The following DPH6 variants were observed in gnomAD, a reference collection of about 807,000 sequenced individuals.
DPH6 encodes diphthine--ammonia ligase.
Under a neutral mutation model 38.2 loss-of-function variants are expected in DPH6, and 33 were observed. The observed-to-expected ratio is 0.86, with a 90% CI of 0.65 to 1.15. The LOEUF is 1.15. Among genes scored for constraint, DPH6 ranks in the 50% most tolerant of loss-of-function variants. The pLI, the probability that DPH6 is intolerant of heterozygous loss-of-function variation, is 0.00. For synonymous variants in DPH6, 108 were observed against 103.0 expected, an observed-to-expected ratio of 1.05 and a Z score of -0.30; for missense variants, 325 against 320.0, an observed-to-expected ratio of 1.02 and a Z score of -0.12.
At chr15:35,410,812 TG>T in intron 6 of DPH6, 22 bp downstream of exon 6, 1 of 1,570,082 alleles carries the variant, frequency 6.4e-7, no homozygotes. Context: ...GGCTACATTT[TG>T]AGATCTAGTA....
chr15:35,532,070 A>G (rs1304988552), intron 3 of DPH6, among the ~76,000 whole-genome samples: 2 of 152,170 alleles, frequency 1.3e-5, no homozygotes, highest in Non-Finnish European at 2.9e-5. Context: ...AGGAGGACAA[A>G]GAGATAAGCA....
At chr15:35,529,709 T>C (rs542296987) in intron 3 of DPH6, among the ~76,000 whole-genome samples, 231 of 152,292 alleles carry the variant, frequency 1.5e-3, no homozygotes, top group African/African-American at 5.4e-3. Flanking sequence ...ACTGGTACAT[T>C]ATAAGCATTG....
At chr15:35,310,003 T>C (rs1043004677) in intron 3 of DPH6, among the ~76,000 whole-genome samples, 7 of 152,058 alleles carry the variant, frequency 4.6e-5, no homozygotes, top group Non-Finnish European at 1.0e-4. Context: ...GAAGAAAACT[T>C]TTTTTTCCCC....
rs566746366 is a variant in DPH6 at position 35,372,370 on chromosome 15, C to T, written c.751-167G>A. 8.2e-6 allele frequency: 4 copies of T among 485,010 alleles called. No homozygotes were observed. The South Asian group carries it at 2.9e-4, about 36-fold the overall frequency. 30.0% of individuals were successfully genotyped at this position (485,010 alleles called of 1,614,324 possible). ...TTGAGGTGTCATACTGAAGACCAAT[C>T]AAATACCAAAACAACGAGGTGAACA... On this transcript the variant is annotated intron_variant, in intron 8 of 8. Transcript: ENST00000256538.
chr15:35,517,774 T>C (rs1451374515), intron 3 of DPH6, among the ~76,000 whole-genome samples: 2 of 152,098 alleles, frequency 1.3e-5, no homozygotes, highest in African/African-American at 4.8e-5. Flanking sequence ...AACATTCAAT[T>C]CCAAAGTTCA....
In DPH6 at chr15:35,443,437, T is replaced by C. The variant is rs565861154; in HGVS notation, c.505+7248A>G. The stretch of plus-strand genomic sequence containing the variant: ...ATATAATCTTGCAAGTAATTTCATC[T>C]ACCACAGGCAAGGGGTCTGGAAAAA... On this transcript the variant is annotated intron_variant, in intron 5 of 8. Transcript: ENST00000256538. 7.2e-5 allele frequency among the ~76,000 whole-genome samples: 11 copies of C among 152,296 alleles called. No homozygotes were observed. In the South Asian group the frequency reaches 2.1e-3, roughly 29 times the overall value.
intron 6 of DPH6, among the ~76,000 whole-genome samples, chr15:35,408,071 G>T (rs1422215626): frequency 1.3e-5 from 2 of 151,940 alleles, no homozygotes; most frequent in African/African-American, 4.8e-5. Context: ...AGGTGATTAT[G>T]GTATGGTGGT....
chr15:35,221,360 G>A (rs2051441068), intron 3 of DPH6, among the ~76,000 whole-genome samples: 1 of 152,154 alleles, frequency 6.6e-6, no homozygotes. Context: ...ACTTTCTGCA[G>A]AGGCCGCACC....
chr15:35,389,637 T>G (rs532392978), intron 6 of DPH6, among the ~76,000 whole-genome samples: 10 of 152,372 alleles, frequency 6.6e-5, no homozygotes, highest in Admixed American at 6.5e-4. Context: ...GTTTAAAGTC[T>G]GTTTTATCAG....
At chr15:35,468,833 T>C (rs901024412) in intron 3 of DPH6, among the ~76,000 whole-genome samples, 1 of 152,022 alleles carries the variant, frequency 6.6e-6, no homozygotes, top group African/African-American at 2.4e-5. Flanking sequence ...TTTGGGAGGC[T>C]GAGGCAGGTG....
In DPH6 at chr15:35,456,498, T is replaced by A. The variant is rs192794856; in HGVS notation, c.313-1678A>T. On this transcript the variant is annotated intron_variant, in intron 3 of 8. Coordinates refer to ENST00000256538, the MANE Select transcript of DPH6 (RefSeq NM_080650.4). ...ATTTATTTATTTATTTATTATTATTTTTTTTTTGAGATGGAGTCTTGCTCT... is the reference window on the plus strand; with the variant it reads ...ATTTATTTATTTATTTATTATTATTATTTTTTTGAGATGGAGTCTTGCTCT... Among the ~76,000 whole-genome samples the A allele has an allele frequency of 3.0e-4, 45 of 149,394 alleles. 1 individual carries two copies. Among genetic ancestry groups the A allele is most frequent in the Admixed American group, 1.7e-3 (26 of 14,992 alleles).
At chr15:35,354,706 C>G (rs1007527799) in intron 3 of DPH6, among the ~76,000 whole-genome samples, 1 of 152,102 alleles carries the variant, frequency 6.6e-6, no homozygotes, top group African/African-American at 2.4e-5. Flanking sequence ...AGAATTTTTG[C>G]ATTGATGTTC....
chr15:35,256,503 T>G (rs1212972773), intron 3 of DPH6, among the ~76,000 whole-genome samples: 1 of 152,256 alleles, frequency 6.6e-6, no homozygotes, highest in Non-Finnish European at 1.5e-5. Context: ...ATGTTCTCAA[T>G]GTATTCAATG....
intron 3 of DPH6, among the ~76,000 whole-genome samples, chr15:35,316,977 G>T (rs1411126404): frequency 6.6e-6 from 1 of 152,182 alleles, no homozygotes; most frequent in East Asian, 1.9e-4. Context: ...ACTCTCTAGG[G>T]CTGGGCACAA....
At chr15:35,448,983 C>CT (rs1220659704) in intron 5 of DPH6, among the ~76,000 whole-genome samples, 4 of 45,600 alleles carry the variant, frequency 8.8e-5, no homozygotes, top group African/African-American at 2.2e-4. Context: ...CTTATTGTCT[C>CT]ATTTTTTTTT....
chr15:35,449,983 G>A (rs1166555179), intron 5 of DPH6, among the ~76,000 whole-genome samples: 2 of 151,978 alleles, frequency 1.3e-5, no homozygotes, highest in Non-Finnish European at 2.9e-5. Context: ...CAGGTTTCAG[G>A]GCATTTTCTA....
chr15:35,245,579 T>C (rs985116455), intron 3 of DPH6, among the ~76,000 whole-genome samples: 3 of 152,156 alleles, frequency 2.0e-5, no homozygotes, highest in Non-Finnish European at 2.9e-5. Flanking sequence ...ATTTAGTTTA[T>C]ATTGGTTAGC....
chr15:35,500,328 C>T (rs1161125224), intron 3 of DPH6, among the ~76,000 whole-genome samples: 1 of 152,122 alleles, frequency 6.6e-6, no homozygotes, highest in Non-Finnish European at 1.5e-5. Context: ...TTGTTGATGA[C>T]TATACTCTCG....
Position 35,501,117 on chromosome 15 carries a change from T to C in DPH6, c.312+37157A>G, listed in dbSNP as rs1257798284. On this transcript the variant is annotated intron_variant, in intron 3 of 8. Transcript: ENST00000256538. The stretch of plus-strand genomic sequence containing the variant: ...ATGAATTTCTCATTTCAGAAGATTG[T>C]TCATTTACTTCTTCCCTTTTTCCCA... Among the ~76,000 whole-genome samples the C allele has an allele frequency of 2.0e-5, 3 of 152,238 alleles. No homozygotes were observed. In the East Asian group the frequency reaches 5.8e-4, roughly 29 times the overall value.
Sources: allele counts gnomAD v4.1 joint callset (sites outside exome capture counted in the v4.1 genomes callset), GRCh38; gene constraint gnomAD v4.1.1; transcripts MANE v1.5; gene names NCBI Gene and HGNC (gene_info 2026-07-23, HGNC 2026-07-21).